The following FOXO3 variants were observed in gnomAD, a reference collection of about 807,000 sequenced individuals.
FOXO3 encodes the protein forkhead box O3, also known as forkhead box protein O3.
A neutral mutation model predicts 41.9 loss-of-function variants in FOXO3; 4 were observed. The ratio of observed to expected loss-of-function variants is 0.10; its 90% CI spans 0.05 to 0.22. FOXO3 has a LOEUF of 0.22. Among genes scored for constraint, FOXO3 ranks in the 10% least tolerant of loss-of-function variants. The probability of loss-of-function intolerance (pLI) is 1.00; values close to 1 mark genes in which losing one functional copy is unlikely to be tolerated. For synonymous variants in FOXO3, 318 were observed against 389.3 expected, an observed-to-expected ratio of 0.82 and a Z score of 2.16; for missense variants, 534 against 906.8, an observed-to-expected ratio of 0.59 and a Z score of 5.28.
rs151173262 is a variant in FOXO3, at chr6:108,603,464, G to A, written c.621+41635G>A. On this transcript the variant is annotated intron_variant, in intron 1 of 2. Coordinates refer to ENST00000406360, the MANE Select transcript of FOXO3 (RefSeq NM_001455.4). ...AGCCATGAAAACTTTTCACTTTCTC[G>A]GGGATGATAAAGGACCCTCCTTTTT... Among the ~76,000 whole-genome samples the A allele has an allele frequency of 5.8e-3, 888 of 152,076 alleles. 7 individuals are homozygous for A. The highest frequency in any genetic ancestry group is 7.7e-3 in the Non-Finnish European group (525 of 67,962).
At position 108,663,826 on chromosome 6, in the gene FOXO3, A is replaced by G; in HGVS notation, c.993A>G (p.Thr331=). The G allele has an allele frequency of 8.7e-6, 14 of 1,613,904 alleles. No individual in the cohort carries two copies. Among genetic ancestry groups the G allele is most frequent in the Non-Finnish European group, 1.0e-5 (12 of 1,179,810 alleles). The part of the protein sequence containing the change: ...SGRLSPIMAS[T]ELDEVQDDDA... ...GCCTGTCGCCCATCATGGCAAGCAC[A>G]GAGTTGGATGAAGTCCAGGACGATG... is the stretch of plus-strand genomic sequence containing the variant. Residue 331 remains threonine, a synonymous_variant, in exon 2 of 3, where the codon ACA becomes ACG. Coordinates refer to ENST00000406360, the MANE Select transcript of FOXO3 (RefSeq NM_001455.4).
At chr6:108,565,500 CCTAT>C (rs1775926382) in intron 1 of FOXO3, among the ~76,000 whole-genome samples, 2 of 152,312 alleles carry the variant, frequency 1.3e-5, no homozygotes, top group South Asian at 2.1e-4. Flanking sequence ...CCTGGTAAGG[CCTAT>C]CTATCACTTA....
chr6:108,642,629 T>C (rs1778290142), intron 1 of FOXO3, among the ~76,000 whole-genome samples: 1 of 152,166 alleles, frequency 6.6e-6, no homozygotes, highest in Admixed American at 6.6e-5. Flanking sequence ...TGTAATACTT[T>C]GATACTCAAG....
At chr6:108,570,250 C>T (rs771672522) in intron 1 of FOXO3, among the ~76,000 whole-genome samples, 48 of 152,072 alleles carry the variant, frequency 3.2e-4, no homozygotes, top group South Asian at 8.3e-4. Flanking sequence ...CTGCCTGCCT[C>T]GGCCTCCCAA....
At chr6:108,657,601 T>TAA (rs1778724915) in intron 1 of FOXO3, among the ~76,000 whole-genome samples, 1 of 152,218 alleles carries the variant, frequency 6.6e-6, no homozygotes, top group African/African-American at 2.4e-5. Context: ...CCAGTCCTTT[T>TAA]TTATCTTCAG....
intron 1 of FOXO3, among the ~76,000 whole-genome samples, chr6:108,629,464 G>T (rs1366506548): frequency 1.3e-5 from 2 of 152,120 alleles, no homozygotes; most frequent in African/African-American, 4.8e-5. Context: ...AGTTTAGCGG[G>T]AGGTTTTTTG....
At chr6:108,604,988 G>T (rs1001025326) in intron 1 of FOXO3, among the ~76,000 whole-genome samples, 1 of 152,160 alleles carries the variant, frequency 6.6e-6, no homozygotes, top group African/African-American at 2.4e-5. Context: ...ACAGGATGTG[G>T]CCTCTTGGCT....
At chr6:108,637,770 C>T (rs1778157151) in intron 1 of FOXO3, among the ~76,000 whole-genome samples, 1 of 152,016 alleles carries the variant, frequency 6.6e-6, no homozygotes, top group Non-Finnish European at 1.5e-5. Context: ...GTTTTCTTCC[C>T]CTGTAGTTAA....
chr6:108,677,169 A>G (rs1770634892), intron 2 of FOXO3, among the ~76,000 whole-genome samples: 1 of 152,236 alleles, frequency 6.6e-6, no homozygotes, highest in Non-Finnish European at 1.5e-5. Flanking sequence ...CGGAAGCTGT[A>G]GAACATAGCT....
chr6:108,650,746 A>T (rs1352551970), intron 1 of FOXO3, among the ~76,000 whole-genome samples: 1 of 152,196 alleles, frequency 6.6e-6, no homozygotes, highest in East Asian at 1.9e-4. Flanking sequence ...GGGGTATCTG[A>T]GTGGCTCAGT....
At chr6:108,593,106 AGTT>A (rs1424851984) in intron 1 of FOXO3, among the ~76,000 whole-genome samples, 3 of 152,216 alleles carry the variant, frequency 2.0e-5, no homozygotes, top group African/African-American at 7.2e-5. Context: ...AGAAAGAACT[AGTT>A]GTTCTTAATG....
intron 2 of FOXO3, among the ~76,000 whole-genome samples, chr6:108,668,064 T>C (rs2128389008): frequency 6.6e-6 from 1 of 152,356 alleles, no homozygotes; most frequent in African/African-American, 2.4e-5. Context: ...GACACCCTGC[T>C]TCTCTCAAAT....
intron 2 of FOXO3, 113 bp downstream of exon 2, chr6:108,665,002 G>A: frequency 8.7e-7 from 1 of 1,154,442 alleles, no homozygotes; most frequent in Non-Finnish European, 1.2e-6. Flanking sequence ...AAACCATGGA[G>A]CAGTGGTGCA....
intron 1 of FOXO3, among the ~76,000 whole-genome samples, chr6:108,577,582 T>C (rs1043242317): frequency 6.6e-6 from 1 of 152,210 alleles, no homozygotes; most frequent in African/African-American, 2.4e-5. Context: ...AGTGCCTAGG[T>C]ACCATCCTAA....
chr6:108,579,995 C>A (rs1776363601), intron 1 of FOXO3, among the ~76,000 whole-genome samples: 1 of 152,032 alleles, frequency 6.6e-6, no homozygotes, highest in African/African-American at 2.4e-5. Context: ...CTTAATTCCT[C>A]CCTGCCCAAA....
intron 1 of FOXO3, among the ~76,000 whole-genome samples, chr6:108,625,546 G>T (rs769862052): frequency 6.6e-6 from 1 of 152,196 alleles, no homozygotes; most frequent in Non-Finnish European, 1.5e-5. Context: ...TAAAAGATTT[G>T]ATGGTTAAAA....
intron 1 of FOXO3, among the ~76,000 whole-genome samples, chr6:108,570,858 G>A (rs566989648): frequency 2.0e-4 from 31 of 152,176 alleles, no homozygotes; most frequent in Non-Finnish European, 4.0e-4. Context: ...AAATTTAGGA[G>A]AGGGGGTGTG....
chr6:108,596,382 G>GAAAAAAAAAA, intron 1 of FOXO3, among the ~76,000 whole-genome samples: 1 of 58,282 alleles, frequency 1.7e-5, no homozygotes, highest in East Asian at 6.2e-4. Context: ...TGGCCTAAAT[G>GAAAAAAAAAA]AAAAAAAAAA....
At chr6:108,648,519 A>G (rs1414266155) in intron 1 of FOXO3, among the ~76,000 whole-genome samples, 1 of 152,212 alleles carries the variant, frequency 6.6e-6, no homozygotes, top group Non-Finnish European at 1.5e-5. Context: ...CAGAGCATTC[A>G]GAGTGCTGGA....
Sources: gnomAD v4.1 joint callset for allele counts (sites outside exome capture counted in the v4.1 genomes callset) on GRCh38, gnomAD v4.1.1 for gene constraint, MANE v1.5 for transcripts, NCBI Gene and HGNC (gene_info 2026-07-23, HGNC 2026-07-21) for gene names.